Variants in KATNAL2 observed in about 807,000 individuals in gnomAD.
The protein encoded by KATNAL2 is katanin p60 ATPase-containing subunit A-like 2.
In KATNAL2, 52 loss-of-function variants were observed where a neutral mutation model predicts 76.3. The ratio of observed to expected loss-of-function variants is 0.68; its 90% confidence interval spans 0.55 to 0.86. KATNAL2 has a LOEUF of 0.86. Among genes scored for constraint, KATNAL2 ranks in the 40% least tolerant of loss-of-function variants. The pLI, the probability that KATNAL2 is intolerant of heterozygous loss-of-function variation, is 0.00. For missense variants in KATNAL2, 660 were observed against 668.9 expected, an observed-to-expected ratio of 0.99 and a Z score of 0.15; for synonymous variants, 243 against 244.2, an observed-to-expected ratio of 1.00 and a Z score of 0.05.
chr18:46,958,603 G>T (rs1437091303), intron 3 of KATNAL2, among the ~76,000 whole-genome samples: 2 of 152,138 alleles, frequency 1.3e-5, no homozygotes, highest in Non-Finnish European at 2.9e-5. Context: ...TGGTAGCAAA[G>T]ATATGAAATA....
At chr18:46,946,677 T>A in intron 2 of KATNAL2, 131 bp downstream of exon 2, 1 of 1,062,038 alleles carries the variant, frequency 9.4e-7, no homozygotes, top group South Asian at 1.7e-5. Flanking sequence ...GCAAACACTC[T>A]GGATTAAACA....
intron 3 of KATNAL2, chr18:47,029,667 T>TGCTTCCGCAGGC: frequency 3.1e-5 from 1 of 32,766 alleles, no homozygotes; most frequent in Non-Finnish European, 4.7e-5. Flanking sequence ...CACGTGCTGG[T>TGCTTCCGCAGGC]GCTTCCGCAG....
chr18:47,077,671 C>T (rs747530580), intron 15 of KATNAL2: 3 of 436,258 alleles, frequency 6.9e-6, no homozygotes, highest in South Asian at 1.2e-4. Flanking sequence ...GCCAGGGTGA[C>T]CATTAACAAT....
At chr18:46,962,881 TGCTGCCGCCGCCGCTCAC>T in intron 3 of KATNAL2, 1 of 369,256 alleles carries the variant, frequency 2.7e-6, no homozygotes, top group African/African-American at 1.3e-4. Context: ...TGCCGGTTGC[TGCTGCCGCCGCCGCTCAC>T]GCTGCCGCCG....
In KATNAL2 at chr18:47,046,469, A is replaced by G; in HGVS notation, c.64A>G (p.Thr22Ala). 6.5e-7 allele frequency: 1 copy of G among 1,535,886 alleles called. No homozygotes were observed. Among genetic ancestry groups the G allele is most frequent in the Non-Finnish European group, 8.7e-7 (1 of 1,146,726 alleles). ...HQAREACEMR[T>A]EARRKNLLIL... ...TCCTCTGTTCCAGTGCGAGATGAGG[A>G]CAGAAGCACGACGAAAAAATCTTCT... Residue 22 changes from threonine (T) to alanine (A), a missense_variant, in exon 4 of 18, where the codon ACA (threonine) becomes GCA (alanine). Coordinates refer to ENST00000683218, the MANE Select transcript of KATNAL2 (RefSeq NM_001387690.1).
intron 3 of KATNAL2, among the ~76,000 whole-genome samples, chr18:46,962,015 T>A (rs1463214496): frequency 6.6e-6 from 1 of 152,212 alleles, no homozygotes; most frequent in South Asian, 2.1e-4. Context: ...CCTTTCTAAG[T>A]CTACTGGTCT....
chr18:47,039,419 C>G (rs934158372), intron 3 of KATNAL2, among the ~76,000 whole-genome samples: 5 of 152,166 alleles, frequency 3.3e-5, no homozygotes, highest in African/African-American at 7.2e-5. Context: ...CTCCCATCCT[C>G]CCCAGTCCTC....
chr18:46,940,317 C>A (rs548181445), intron 1 of KATNAL2, among the ~76,000 whole-genome samples: 1 of 152,302 alleles, frequency 6.6e-6, no homozygotes, highest in Admixed American at 6.5e-5. Context: ...GGGGCAAAAA[C>A]CAGATTTCAC....
chr18:47,055,917 A>G (rs776641987), intron 6 of KATNAL2, among the ~76,000 whole-genome samples: 9 of 152,224 alleles, frequency 5.9e-5, no homozygotes, highest in Non-Finnish European at 1.0e-4. Flanking sequence ...TAAAAGTTGA[A>G]TAGCAAATGG....
At chr18:47,031,580 C>A (rs1481054477) in intron 3 of KATNAL2, among the ~76,000 whole-genome samples, 1 of 152,090 alleles carries the variant, frequency 6.6e-6, no homozygotes, top group African/African-American at 2.4e-5. Context: ...TGCTGTGTTT[C>A]CAGACTTCCA....
chr18:47,085,217 T>C (rs2062719258), intron 15 of KATNAL2, among the ~76,000 whole-genome samples: 1 of 152,210 alleles, frequency 6.6e-6, no homozygotes, highest in African/African-American at 2.4e-5. Context: ...TCTTCATTTT[T>C]GCAAAATTTG....
intron 1 of KATNAL2, among the ~76,000 whole-genome samples, chr18:46,938,065 C>T (rs898021518): frequency 6.6e-6 from 1 of 151,760 alleles, no homozygotes; most frequent in Non-Finnish European, 1.5e-5. Context: ...CACTGCACTC[C>T]TGGGTGACAA....
chr18:47,035,272 G>C (rs756699078), intron 3 of KATNAL2: 32 of 1,612,454 alleles, frequency 2.0e-5, no homozygotes, highest in Non-Finnish European at 2.6e-5. Context: ...CATCTCACCA[G>C]AGCTGTGCAG....
At chr18:46,959,669 GTTCAAGT>G (rs2059876536) in intron 3 of KATNAL2, among the ~76,000 whole-genome samples, 1 of 152,072 alleles carries the variant, frequency 6.6e-6, no homozygotes. Context: ...CGCCTCCCAG[GTTCAAGT>G]TTTTCTCCTG....
At chr18:47,062,368 C>A (rs1350276521) in intron 8 of KATNAL2, among the ~76,000 whole-genome samples, 2 of 151,022 alleles carry the variant, frequency 1.3e-5, no homozygotes, top group African/African-American at 4.9e-5. Flanking sequence ...TGAGATCCTG[C>A]CTGTCTCTTA....
intron 3 of KATNAL2, chr18:47,034,580 A>T (rs1326676151): frequency 6.2e-7 from 1 of 1,614,144 alleles, no homozygotes. Flanking sequence ...TGGCGAGACG[A>T]TTTGTGCCCC....
intron 16 of KATNAL2, 77 bp from the exon 17 acceptor site, chr18:47,100,177 T>G (rs997825198): frequency 3.2e-6 from 3 of 947,378 alleles, no homozygotes; most frequent in Non-Finnish European, 5.1e-6. Context: ...CTTCTGATAC[T>G]GGGTCCTGCC....
chr18:47,050,124 C>A (rs1313678135), intron 4 of KATNAL2, among the ~76,000 whole-genome samples: 1 of 152,118 alleles, frequency 6.6e-6, no homozygotes, highest in East Asian at 1.9e-4. Flanking sequence ...GCGATCCACC[C>A]ACCTTGGCTT....
intron 15 of KATNAL2, among the ~76,000 whole-genome samples, chr18:47,092,430 T>C (rs1010524532): frequency 1.3e-5 from 2 of 151,936 alleles, no homozygotes. Flanking sequence ...ACCTGGGAGG[T>C]AGAGGTTGCA....
Sources: allele counts gnomAD v4.1 joint callset (sites outside exome capture counted in the v4.1 genomes callset), GRCh38; gene constraint gnomAD v4.1.1; transcripts MANE v1.5; gene names NCBI Gene and HGNC (gene_info 2026-07-23, HGNC 2026-07-21).